The following DNAH10 variants were observed in gnomAD, a reference collection of about 807,000 sequenced individuals.
DNAH10 encodes the protein axonemal beta dynein heavy chain 10.
In DNAH10, 348 loss-of-function variants were observed where a neutral mutation model predicts 506.6. The observed-to-expected ratio is 0.69, with a 90% CI of 0.63 to 0.75. The LOEUF (loss-of-function observed/expected upper bound fraction) is 0.75, where lower values mean the gene tolerates loss of function less well. Ranked by LOEUF, DNAH10 falls within the 30% of genes least tolerant of loss-of-function variation. The probability of loss-of-function intolerance (pLI) is 0.00; values close to 1 mark genes in which losing one functional copy is unlikely to be tolerated. For missense variants in DNAH10, 5,179 were observed against 5,787.1 expected (o/e 0.89, Z 3.41); for synonymous variants, 2,059 against 2,198.6 (o/e 0.94, Z 1.78).
intron 18 of DNAH10, among the ~76,000 whole-genome samples, chr12:123,807,818 T>G (rs1251517883): frequency 0.05 from 924 of 18,422 alleles, no homozygotes; most frequent in Middle Eastern, 0.071. Flanking sequence ...GAGAGAGAGA[T>G]AAGGAGGGGG....
Position 123,916,657 on chromosome 12 carries a change from A to C in DNAH10, c.10923A>C (p.Arg3641Ser). The change falls in exon 63 of 79, where the codon AGA becomes AGC. Residue 3641 changes from arginine to serine, a missense_variant. By Grantham distance (110) the Arg-to-Ser change is moderately radical. This residue lies in a region of DNAH10 where 4,844 missense variants were observed against 5,430.5 expected (regional missense o/e 0.89). Coordinates refer to ENST00000673944, the MANE Select transcript of DNAH10 (RefSeq NM_001372106.1). The surrounding 1 kb of genome is among the most constrained non-coding windows in gnomAD (Gnocchi z 4.6). ...DKEVDYDSNF[R>S]LYLNTKLANP... is the part of the protein sequence containing the mutation. Reference sequence around the variant, plus strand: ...AAGTGGACTATGATTCAAATTTCAGACTGTACCTGAACACCAAGCTGGCCA... The same window carrying C: ...AAGTGGACTATGATTCAAATTTCAGCCTGTACCTGAACACCAAGCTGGCCA... 1.2e-6 allele frequency: 2 copies of C among 1,613,922 alleles called. No individual in the cohort carries two copies. Among genetic ancestry groups the C allele is most frequent in the South Asian group, 2.2e-5 (2 of 91,076 alleles).
intron 51 of DNAH10, among the ~76,000 whole-genome samples, chr12:123,884,471 G>A (rs1206730576): frequency 6.6e-6 from 1 of 152,182 alleles, no homozygotes; most frequent in Non-Finnish European, 1.5e-5. Flanking sequence ...AGATCAGGGT[G>A]CCAGCATGGT....
intron 23 of DNAH10, among the ~76,000 whole-genome samples, chr12:123,819,589 CATCT>C (rs1181486434): frequency 6.6e-6 from 1 of 152,096 alleles, no homozygotes; most frequent in African/African-American, 2.4e-5. Flanking sequence ...CTTATCCATC[CATCT>C]GCCTCTCTAA....
At chr12:123,891,132 C>T (rs1952962912) in intron 52 of DNAH10, among the ~76,000 whole-genome samples, 1 of 152,092 alleles carries the variant, frequency 6.6e-6, no homozygotes, top group Admixed American at 6.5e-5. Flanking sequence ...TTGCTGGTGG[C>T]TGCTGACAGT....
At position 123,833,331 on chromosome 12, in the gene DNAH10, TA is replaced by T; in HGVS notation, c.4764del (p.Ile1588MetfsTer27). 1 of 1,611,614 alleles carries T rather than the reference TA, an allele frequency of 6.2e-7. No individual in the cohort carries two copies. The highest frequency in any genetic ancestry group is 1.6e-4 in the Middle Eastern group (1 of 6,062). ...VHKWEKTLSL[I>X]GEVIEIWMLV... is the part of the protein sequence containing the mutation. ...AAATGGGAAAAAACGCTTTCTCTAA[TA>T]GGGGAAGTCATTGAGGTGAGAGAAA... On this transcript the variant is annotated frameshift_variant, in exon 27 of 79. Coordinates refer to ENST00000673944, the MANE Select transcript of DNAH10 (RefSeq NM_001372106.1). LOFTEE classifies it high-confidence loss of function.
chr12:123,789,164 C>G (rs572281640), intron 10 of DNAH10, among the ~76,000 whole-genome samples: 1 of 151,888 alleles, frequency 6.6e-6, no homozygotes, highest in African/African-American at 2.4e-5. Flanking sequence ...AGGAGAATTG[C>G]TTGAACCTGG....
At chr12:123,897,240 T>C (rs895500386) in intron 54 of DNAH10, among the ~76,000 whole-genome samples, 2 of 152,232 alleles carry the variant, frequency 1.3e-5, no homozygotes, top group African/African-American at 4.8e-5. Context: ...TGTTCATCCA[T>C]TCCTCCGTTG....
intron 16 of DNAH10, among the ~76,000 whole-genome samples, chr12:123,802,975 G>A (rs932769856): frequency 7.9e-5 from 12 of 151,942 alleles, no homozygotes; most frequent in African/African-American, 2.4e-4. Context: ...CTAGATACTC[G>A]TCTTTTATTG....
rs993882378 is a variant in DNAH10 at position 123,846,409 on chromosome 12, G to A, written c.5814+255G>A. Among the ~76,000 whole-genome samples the A allele has an allele frequency of 2.6e-5, 4 of 152,170 alleles. No homozygotes were observed. The highest frequency in any genetic ancestry group is 9.7e-5 in the African/African-American group (4 of 41,428). On this transcript the variant is annotated intron_variant, in intron 32 of 78. Transcript: ENST00000673944. This position sits in a 1 kb window ranked among gnomAD's most constrained non-coding sequence, Gnocchi z 4.5. The stretch of plus-strand genomic sequence containing the variant: ...CAGGGGTATTGGTAGAGGCCAATGC[G>A]AAAATGCAGGAATGTCAAAGGTGGT...
intron 57 of DNAH10, among the ~76,000 whole-genome samples, chr12:123,905,115 G>A (rs972478509): frequency 1.3e-5 from 2 of 152,160 alleles, no homozygotes; most frequent in Non-Finnish European, 2.9e-5. Flanking sequence ...AACACCCTAT[G>A]CATATCTTTC....
chr12:123,910,637 G>A lies in DNAH10; in HGVS notation c.10099G>A (p.Asp3367Asn). 1.2e-6 allele frequency: 2 copies of A among 1,611,232 alleles called. No homozygotes were observed. The highest frequency in any genetic ancestry group is 2.2e-5 in the East Asian group (1 of 44,878). ...KFVEAVMGYC[D>N]VFREIKPKRE... ...TGTTGAAGCTGTAATGGGCTACTGT[G>A]ATGTTTTCAGAGAAATCAAGCCCAA... Residue 3367 changes from aspartate to asparagine, a missense_variant, in exon 59 of 79, where the codon GAT (aspartate) becomes AAT (asparagine). Asp to Asn is a conservative substitution (Grantham distance 23). Coordinates refer to ENST00000673944, the MANE Select transcript of DNAH10 (RefSeq NM_001372106.1).
At chr12:123,918,133 A>C (rs1036411223) in intron 64 of DNAH10, among the ~76,000 whole-genome samples, 4 of 152,232 alleles carry the variant, frequency 2.6e-5, no homozygotes, top group Admixed American at 1.3e-4. Flanking sequence ...GACTTCAAAA[A>C]TACCAGGAGG....
intron 25 of DNAH10, among the ~76,000 whole-genome samples, chr12:123,829,287 G>C (rs1960290959): frequency 6.6e-6 from 1 of 152,130 alleles, no homozygotes; most frequent in South Asian, 2.1e-4. Context: ...ACAGAAAGTG[G>C]GGGCATCGGC....
chr12:123,781,235 T>C lies in DNAH10; in HGVS notation c.777T>C (p.Asp259=). Residue 259 remains aspartate (D), a synonymous_variant, in exon 6 of 79, where the codon GAT becomes GAC. Coordinates refer to ENST00000673944, the MANE Select transcript of DNAH10 (RefSeq NM_001372106.1). ...ATCACAGTATTCAATTAATACGGGA[T>C]GAATTTTTAATGAACGTGCAGAAAT... ...VEYHSIQLIR[D]EFLMNVQKFA... is the part of the protein sequence containing the mutation. 1 of 1,614,038 alleles carries C rather than the reference T, an allele frequency of 6.2e-7. No individual in the cohort carries two copies. Among genetic ancestry groups the C allele is most frequent in the Non-Finnish European group, 8.5e-7 (1 of 1,179,994 alleles).
rs752517159 is a variant in DNAH10 at position 123,785,717 on chromosome 12, C to G, written c.1231-29C>G. Reference sequence around the variant, plus strand: ...TATTTGGACCCCAAGGCTAAGGGCTCTTGCGTGGCTCTCTCCTCTCTTGGT... The same window carrying G: ...TATTTGGACCCCAAGGCTAAGGGCTGTTGCGTGGCTCTCTCCTCTCTTGGT... On this transcript the variant is annotated intron_variant, in intron 8 of 78. Transcript: ENST00000673944. This position sits in a 1 kb window ranked among gnomAD's most constrained non-coding sequence, Gnocchi z 4.1. The G allele has an allele frequency of 6.5e-6, 10 of 1,532,576 alleles. No homozygotes were observed. In the African/African-American group the frequency reaches 6.8e-5, roughly 10 times the overall value. 94.9% of individuals were successfully genotyped at this position (1,532,576 alleles called of 1,614,324 possible). A position where few individuals can be genotyped will look rare whatever the true frequency, so the allele number is the denominator to read the frequency against.
Position 123,898,643 on chromosome 12 carries a change from C to CT in DNAH10, c.9479-7dup, listed in dbSNP as rs1953367751. 1 of 1,522,010 alleles carries CT rather than the reference C, an allele frequency of 6.6e-7. No homozygotes were observed. The highest frequency in any genetic ancestry group is 1.4e-5 in the African/African-American group (1 of 71,702). The allele number at this position is 1,522,010 out of a possible 1,614,324, so 94.3% of individuals were successfully genotyped here. A position where few individuals can be genotyped will look rare whatever the true frequency, so the allele number is the denominator to read the frequency against. Reference sequence around the variant, plus strand: ...CCTCGACGATGAACATAGGTGCCCTCTTTCCTCAGCTCAGTGCAAGCGTCT... The same window carrying CT: ...CCTCGACGATGAACATAGGTGCCCTCTTTTCCTCAGCTCAGTGCAAGCGTCT... On this transcript the variant is annotated splice_polypyrimidine_tract_variant and intron_variant, in intron 55 of 78. Transcript: ENST00000673944.
At chr12:123,866,776 T>G (rs771592042) in intron 41 of DNAH10, among the ~76,000 whole-genome samples, 20 of 152,206 alleles carry the variant, frequency 1.3e-4, no homozygotes, top group Non-Finnish European at 2.4e-4. Flanking sequence ...TAAACCTTTA[T>G]TTACAAAACA....
rs753792797 is a variant in DNAH10, at chr12:123,762,560, G to A, written c.214+10G>A. On this transcript the variant is annotated intron_variant, in intron 1 of 78. Coordinates refer to ENST00000673944, the MANE Select transcript of DNAH10 (RefSeq NM_001372106.1). The surrounding 1 kb of genome is among the most constrained non-coding windows in gnomAD (Gnocchi z 5.0). ...GTGGAGGTGGAGATTGGTGAGCCTC[G>A]ACGCGCCGCTCCCTTCCCCGGGCTT... 7.1e-6 allele frequency: 11 copies of A among 1,546,722 alleles called. No individual in the cohort carries two copies. Among genetic ancestry groups the A allele is most frequent in the Middle Eastern group, 1.7e-4 (1 of 5,942 alleles).
At chr12:123,889,125 C>T (rs1182875760) in intron 52 of DNAH10, among the ~76,000 whole-genome samples, 1 of 152,192 alleles carries the variant, frequency 6.6e-6, no homozygotes, top group Non-Finnish European at 1.5e-5. Flanking sequence ...TGCACTTGCT[C>T]TGCCATGCGT....
Sources: gnomAD v4.1 joint callset for allele counts (sites outside exome capture counted in the v4.1 genomes callset) on GRCh38, gnomAD v4.1.1 for gene constraint, gnomAD v4.1.1 regional missense constraint, Gnocchi (gnomAD v3.1) non-coding constraint, MANE v1.5 for transcripts, NCBI Gene and HGNC (gene_info 2026-07-23, HGNC 2026-07-21) for gene names.